The following MRRF variants were observed in gnomAD, a reference collection of about 807,000 sequenced individuals.
The protein encoded by MRRF is ribosome-recycling factor, mitochondrial.
MRRF carries 18 observed loss-of-function variants against 25.1 expected under a neutral mutation model. That is an observed-to-expected ratio of 0.72 (90% CI 0.50 to 1.06). The LOEUF is 1.06. MRRF is among the 50% of genes least tolerant of loss of function. The probability of loss-of-function intolerance (pLI) is 0.00; values close to 1 mark genes in which losing one functional copy is unlikely to be tolerated. For missense variants in MRRF, 323 were observed against 319.3 expected, an observed-to-expected ratio of 1.01 and a Z score of -0.09; for synonymous variants, 113 against 112.1, an observed-to-expected ratio of 1.01 and a Z score of -0.05.
intron 3 of MRRF, among the ~76,000 whole-genome samples, chr9:122,283,663 T>G (rs1423229204): frequency 6.6e-6 from 1 of 152,242 alleles, no homozygotes; most frequent in Admixed American, 6.5e-5. Flanking sequence ...AGTATGGTAC[T>G]GCATTATTCT....
intron 2 of MRRF, among the ~76,000 whole-genome samples, chr9:122,278,275 A>C (rs1239308566): frequency 2.6e-5 from 4 of 152,190 alleles, no homozygotes; most frequent in Admixed American, 2.6e-4. Flanking sequence ...AGCTGTCATA[A>C]ATTTCACAAG....
chr9:122,307,927 T>C (rs1044821912), intron 5 of MRRF, among the ~76,000 whole-genome samples: 1 of 152,216 alleles, frequency 6.6e-6, no homozygotes, highest in Non-Finnish European at 1.5e-5. Context: ...GTGTATAGCT[T>C]TGTACATGTG....
Position 122,276,689 on chromosome 9 carries a change from C to G in MRRF, c.185-3754C>G, listed in dbSNP as rs142183720. Among the ~76,000 whole-genome samples, 1,061 of 152,232 alleles carry G rather than the reference C, an allele frequency of 7.0e-3. 17 individuals carry two copies. The highest frequency in any genetic ancestry group is 0.024 in the African/African-American group (991 of 41,534). ...ATTTGTGTGTAAAACATGGTTGTTT[C>G]ATAGAAGGTCCAAGTGTGCTTGAGA... On this transcript the variant is annotated intron_variant, in intron 2 of 6. Coordinates refer to ENST00000344641, the MANE Select transcript of MRRF (RefSeq NM_138777.5).
chr9:122,271,191 T>G, intron 2 of MRRF, 116 bp downstream of exon 2: 1 of 907,262 alleles, frequency 1.1e-6, no homozygotes, highest in Non-Finnish European at 1.8e-6. Flanking sequence ...CATGAGGAAA[T>G]GGTGCCTCAG....
chr9:122,318,235 C>G (rs191454089), intron 6 of MRRF, among the ~76,000 whole-genome samples: 57 of 151,932 alleles, frequency 3.8e-4, no homozygotes, highest in African/African-American at 1.3e-3. Context: ...CACCCCACTA[C>G]TTCCCAACCC....
Position 122,329,035 on chromosome 9 carries a change from C to T in MRRF, c.*6418C>T, listed in dbSNP as rs1448254991. 6.6e-6 allele frequency: 1 copy of T among 152,176 alleles called. No homozygotes were observed. The highest frequency in any genetic ancestry group is 1.5e-5 in the Non-Finnish European group (1 of 68,036). The allele number at this position is 152,176 out of a possible 1,614,324, so 9.4% of individuals were successfully genotyped here. A position where few individuals can be genotyped will look rare whatever the true frequency, so the allele number is the denominator to read the frequency against. ...ATCCTACGCTGTTAAGTTAGAACAA[C>T]CTGAAACAGCTTTTATCATGTCACT... On this transcript the variant is annotated 3_prime_UTR_variant, in exon 7 of 7. Coordinates refer to ENST00000344641, the MANE Select transcript of MRRF (RefSeq NM_138777.5).
At chr9:122,268,017 G>A (rs1832223929) in intron 1 of MRRF, among the ~76,000 whole-genome samples, 1 of 152,176 alleles carries the variant, frequency 6.6e-6, no homozygotes, top group African/African-American at 2.4e-5. Flanking sequence ...CTATGTATAG[G>A]TTAATTTTGT....
chr9:122,279,350 A>G (rs1025874760), intron 2 of MRRF, among the ~76,000 whole-genome samples: 19 of 152,236 alleles, frequency 1.2e-4, no homozygotes, highest in Non-Finnish European at 2.2e-4. Context: ...GACAATACTA[A>G]TCACTATTCT....
chr9:122,303,216 C>G (rs1207699860), intron 5 of MRRF, among the ~76,000 whole-genome samples: 1 of 151,414 alleles, frequency 6.6e-6, no homozygotes, highest in Non-Finnish European at 1.5e-5. Flanking sequence ...GTTGTTCTTC[C>G]CAGAAGTAAC....
chr9:122,294,458 G>A (rs1443071877), intron 5 of MRRF, among the ~76,000 whole-genome samples: 2 of 152,208 alleles, frequency 1.3e-5, no homozygotes, highest in Non-Finnish European at 2.9e-5. Flanking sequence ...GTTAATGGGT[G>A]TAATCCAAGA....
intron 5 of MRRF, among the ~76,000 whole-genome samples, chr9:122,307,572 T>C (rs1588070998): frequency 3.3e-5 from 5 of 152,388 alleles, no homozygotes; most frequent in Admixed American, 3.3e-4. Flanking sequence ...CTATCCTTTG[T>C]TGAGCTCTTA....
chr9:122,290,445 G>A (rs1833690188), intron 4 of MRRF, among the ~76,000 whole-genome samples: 1 of 152,198 alleles, frequency 6.6e-6, no homozygotes, highest in Non-Finnish European at 1.5e-5. Context: ...AGCCTCCCAA[G>A]AGGATTCTTC....
At chr9:122,317,927 G>A (rs1413638573) in intron 6 of MRRF, among the ~76,000 whole-genome samples, 6 of 152,060 alleles carry the variant, frequency 3.9e-5, no homozygotes, top group Non-Finnish European at 7.4e-5. Flanking sequence ...CACAAAGTCA[G>A]GAGATCGAGA....
At position 122,266,689 on chromosome 9, in the gene MRRF, G is replaced by A. The variant is rs139467021; in HGVS notation, c.-29+1751G>A. Among the ~76,000 whole-genome samples, 4 of 152,338 alleles carry A rather than the reference G, an allele frequency of 2.6e-5. No individual in the cohort carries two copies. The East Asian group carries it at 7.7e-4, about 29-fold the overall frequency. On this transcript the variant is annotated intron_variant, in intron 1 of 6. Transcript: ENST00000344641. ...GTTGCTGGGACAGTAGATAAGCCAG[G>A]ATTTTGGGTTGGTCATCTAGCCAAA... is the stretch of plus-strand genomic sequence containing the variant.
At chr9:122,307,771 T>G (rs1834945797) in intron 5 of MRRF, among the ~76,000 whole-genome samples, 1 of 152,194 alleles carries the variant, frequency 6.6e-6, no homozygotes. Flanking sequence ...AGCTTAGGTC[T>G]TTTTGGCCCT....
intron 2 of MRRF, among the ~76,000 whole-genome samples, chr9:122,271,924 C>T (rs946345455): frequency 6.6e-6 from 1 of 152,166 alleles, no homozygotes; most frequent in African/African-American, 2.4e-5. Flanking sequence ...CTTTCCTTTT[C>T]TAATTTCATG....
At chr9:122,313,449 T>C in intron 6 of MRRF, 63 bp downstream of exon 6, 5 of 1,555,724 alleles carry the variant, frequency 3.2e-6, no homozygotes, top group Non-Finnish European at 4.4e-6. Context: ...TTGTTCATGT[T>C]TGAGGTGAGG....
chr9:122,308,686 A>G (rs1422486112), intron 5 of MRRF, among the ~76,000 whole-genome samples: 1 of 146,602 alleles, frequency 6.8e-6, no homozygotes, highest in African/African-American at 2.5e-5. Flanking sequence ...GTGACAGAGC[A>G]AGACTCCATC....
intron 4 of MRRF, among the ~76,000 whole-genome samples, chr9:122,287,279 A>G (rs1833475678): frequency 6.6e-6 from 1 of 152,238 alleles, no homozygotes; most frequent in South Asian, 2.1e-4. Context: ...CATTGTGTCC[A>G]ACACCAAACA....
Sources: allele counts gnomAD v4.1 joint callset (sites outside exome capture counted in the v4.1 genomes callset), GRCh38; gene constraint gnomAD v4.1.1; transcripts MANE v1.5; gene names NCBI Gene and HGNC (gene_info 2026-07-23, HGNC 2026-07-21).